Variants in ADGRL2 observed in about 807,000 individuals in gnomAD.
ADGRL2 encodes adhesion G protein-coupled receptor L2.
In ADGRL2, 44 loss-of-function variants were observed where a neutral mutation model predicts 157.4. The ratio of observed to expected loss-of-function variants is 0.28; its 90% CI spans 0.22 to 0.36. The LOEUF is 0.36. ADGRL2 is among the 10% of genes least tolerant of loss of function. ADGRL2 has a pLI of 1.00. For synonymous variants in ADGRL2, 585 were observed against 624.7 expected (o/e 0.94, Z 0.95); for missense variants, 1,510 against 1,768.9 (o/e 0.85, Z 2.63).
intron 1 of ADGRL2, among the ~76,000 whole-genome samples, chr1:81,812,021 A>T (rs945357649): frequency 1.5e-4 from 23 of 151,730 alleles, no homozygotes; most frequent in African/African-American, 5.6e-4. Context: ...TGCCATCTTA[A>T]CCAGGATGGA....
chr1:81,961,762 A>C (rs906629964), intron 11 of ADGRL2, among the ~76,000 whole-genome samples: 1 of 152,046 alleles, frequency 6.6e-6, no homozygotes, highest in Non-Finnish European at 1.5e-5. Flanking sequence ...CGCCTGCCTC[A>C]GCCTCCCAAA....
chr1:81,514,268 G>T (rs990358994), intron 2 of ADGRL2, among the ~76,000 whole-genome samples: 2 of 152,084 alleles, frequency 1.3e-5, no homozygotes, highest in East Asian at 1.9e-4. Flanking sequence ...TTTATTGGAG[G>T]TGCCTTGGGG....
intron 1 of ADGRL2, among the ~76,000 whole-genome samples, chr1:81,359,773 G>A (rs2075944715): frequency 6.6e-6 from 1 of 151,730 alleles, no homozygotes; most frequent in Non-Finnish European, 1.5e-5. Context: ...CCCCCAACCT[G>A]TTTCTCTTAG....
intron 2 of ADGRL2, among the ~76,000 whole-genome samples, chr1:81,866,104 C>T (rs1211874733): frequency 6.6e-6 from 1 of 152,164 alleles, no homozygotes; most frequent in Non-Finnish European, 1.5e-5. Flanking sequence ...CCTTGATGCT[C>T]GTAGCAGAAT....
At chr1:81,567,164 G>T in intron 2 of ADGRL2, among the ~76,000 whole-genome samples, 1 of 152,090 alleles carries the variant, frequency 6.6e-6, no homozygotes, top group East Asian at 1.9e-4. Flanking sequence ...GGAATCAGCT[G>T]TTCTTTTTGA....
intron 2 of ADGRL2, among the ~76,000 whole-genome samples, chr1:81,529,709 C>A (rs1436705411): frequency 6.6e-6 from 1 of 152,194 alleles, no homozygotes; most frequent in African/African-American, 2.4e-5. Context: ...ACTATAATTT[C>A]TCCTCAGTTT....
chr1:81,971,515 A>T (rs959692457), intron 16 of ADGRL2, among the ~76,000 whole-genome samples: 1 of 152,164 alleles, frequency 6.6e-6, no homozygotes, highest in South Asian at 2.1e-4. Context: ...CTTTAAAATG[A>T]TGAGACAATT....
intron 1 of ADGRL2, among the ~76,000 whole-genome samples, chr1:81,736,214 T>C (rs978722947): frequency 3.3e-5 from 5 of 151,814 alleles, no homozygotes; most frequent in African/African-American, 1.2e-4. Context: ...TCTATGATGC[T>C]GTACTGAACT....
chr1:81,379,070 A>T (rs980882923), intron 1 of ADGRL2, among the ~76,000 whole-genome samples: 3 of 152,152 alleles, frequency 2.0e-5, no homozygotes, highest in South Asian at 2.1e-4. Context: ...TTCTTTATCT[A>T]GGCTCCTCAT....
At chr1:81,502,599 A>C in intron 2 of ADGRL2, 1 of 1,613,946 alleles carries the variant, frequency 6.2e-7, no homozygotes, top group Non-Finnish European at 8.5e-7. Flanking sequence ...ATCTGGAGGG[A>C]GATCACCAAA....
intron 3 of ADGRL2, among the ~76,000 whole-genome samples, chr1:81,603,049 T>C (rs1332949734): frequency 1.3e-5 from 2 of 151,866 alleles, no homozygotes. Flanking sequence ...AGCAACAGAG[T>C]CAAAGACTAG....
intron 1 of ADGRL2, among the ~76,000 whole-genome samples, chr1:81,434,008 G>A (rs1337174336): frequency 2.0e-5 from 3 of 152,176 alleles, no homozygotes. Context: ...TTTAGTGGAA[G>A]CTCAGGGTTC....
In ADGRL2 at chr1:81,525,359, C is replaced by T. The variant is rs186218563; in HGVS notation, c.-247-55517C>T. The stretch of plus-strand genomic sequence containing the variant: ...TTTGGAGACAGTCTTCCTCTGTCCC[C>T]GAGGCTGGAGTGCAGTGGTGCGATC... On this transcript the variant is annotated intron_variant, in intron 2 of 24. Coordinates refer to the ADGRL2 transcript ENST00000370721. Among the ~76,000 whole-genome samples the T allele has an allele frequency of 1.5e-3, 222 of 152,186 alleles. 2 individuals carry two copies. The highest frequency in any genetic ancestry group is 0.012 in the Admixed American group (184 of 15,284).
chr1:81,879,782 C>T (rs1445494711), intron 2 of ADGRL2, among the ~76,000 whole-genome samples: 5 of 152,008 alleles, frequency 3.3e-5, no homozygotes, highest in Non-Finnish European at 5.9e-5. Flanking sequence ...GAGGCCGAGG[C>T]GGGCTGATCA....
chr1:81,862,670 A>G (rs578151706), intron 2 of ADGRL2, among the ~76,000 whole-genome samples: 1 of 152,318 alleles, frequency 6.6e-6, no homozygotes, highest in Non-Finnish European at 1.5e-5. Flanking sequence ...TTTGTATTTT[A>G]TAAACTTTAG....
chr1:81,901,579 TA>T (rs1026321316), intron 2 of ADGRL2, among the ~76,000 whole-genome samples: 1 of 151,358 alleles, frequency 6.6e-6, no homozygotes, highest in Non-Finnish European at 1.5e-5. Flanking sequence ...CATATATATA[TA>T]TATTTTTTTT....
At chr1:81,531,084 A>C (rs911541028) in intron 2 of ADGRL2, among the ~76,000 whole-genome samples, 8 of 46,752 alleles carry the variant, frequency 1.7e-4, no homozygotes, top group African/African-American at 4.0e-4. Flanking sequence ...ACTCTGTTTC[A>C]AAAAAAAAAA....
intron 2 of ADGRL2, among the ~76,000 whole-genome samples, chr1:81,763,745 G>A (rs977011336): frequency 1.3e-4 from 19 of 146,134 alleles, no homozygotes; most frequent in African/African-American, 4.8e-4. Flanking sequence ...TAGGGGCTAG[G>A]CGCAGTGGCT....
intron 1 of ADGRL2, among the ~76,000 whole-genome samples, chr1:81,364,425 G>T (rs1388700947): frequency 6.6e-6 from 1 of 152,024 alleles, no homozygotes; most frequent in African/African-American, 2.4e-5. Context: ...GATAGACCCA[G>T]GTATAGAACA....
Sources: allele counts gnomAD v4.1 joint callset (sites outside exome capture counted in the v4.1 genomes callset), GRCh38; gene constraint gnomAD v4.1.1; transcripts MANE v1.5; gene names NCBI Gene and HGNC (gene_info 2026-07-23, HGNC 2026-07-21).